Variants in HERC1 observed in about 807,000 individuals in gnomAD.
HERC1 encodes the protein probable E3 ubiquitin-protein ligase HERC1.
A neutral mutation model predicts 554.3 loss-of-function variants in HERC1; 160 were observed. The ratio of observed to expected loss-of-function variants is 0.29; its 90% CI spans 0.25 to 0.33. The LOEUF (loss-of-function observed/expected upper bound fraction) is 0.33, where lower values mean the gene tolerates loss of function less well. Ranked by LOEUF, HERC1 falls within the 10% of genes least tolerant of loss-of-function variation. The probability of loss-of-function intolerance (pLI) is 1.00; values close to 1 mark genes in which losing one functional copy is unlikely to be tolerated. For synonymous variants in HERC1, 2,175 were observed against 2,131.7 expected, an observed-to-expected ratio of 1.02 and a Z score of -0.56; for missense variants, 4,919 against 5,918.5, an observed-to-expected ratio of 0.83 and a Z score of 5.54.
Position 63,706,816 on chromosome 15 carries a change from C to T in HERC1, c.4600G>A (p.Val1534Ile). Residue 1534 changes from valine to isoleucine, a missense_variant, in exon 25 of 78, where the codon GTT becomes ATT. Coordinates refer to ENST00000443617, the MANE Select transcript of HERC1 (RefSeq NM_003922.4). ...EGYALSGRRNVDLDLAASHRK... is the reference protein window; with the variant it reads ...EGYALSGRRNIDLDLAASHRK... Reference sequence around the variant, plus strand: ...TGAGATGCTGCCAAATCCAAATCAACATTTCGTCTGCCACTCTATTAAAAG... The same window carrying T: ...TGAGATGCTGCCAAATCCAAATCAATATTTCGTCTGCCACTCTATTAAAAG... 1.3e-6 allele frequency: 2 copies of T among 1,541,728 alleles called. No individual in the cohort carries two copies. The highest frequency in any genetic ancestry group is 1.2e-5 in the South Asian group (1 of 82,506).
intron 2 of HERC1, among the ~76,000 whole-genome samples, chr15:63,769,991 A>G (rs1354512462): frequency 6.6e-6 from 1 of 152,228 alleles, no homozygotes; most frequent in Non-Finnish European, 1.5e-5. Context: ...GATTAGACGG[A>G]GTACATTTCC....
Position 63,692,540 on chromosome 15 carries a change from C to T in HERC1, c.5701G>A (p.Glu1901Lys), listed in dbSNP as rs776988738. The change falls in exon 31 of 78, where the codon GAA becomes AAA. Residue 1901 changes from glutamate (E) to lysine (K), a missense_variant. By Grantham distance (56) the Glu-to-Lys change is moderately conservative (BLOSUM62 1). Coordinates refer to ENST00000443617, the MANE Select transcript of HERC1 (RefSeq NM_003922.4). This position sits in a 1 kb window ranked among gnomAD's most constrained non-coding sequence, Gnocchi z 4.7. Reference sequence around the variant, plus strand: ...ACTAAAAAATCCCCTAGATGGAGTTCGGCTGCATGTTGTTTCCTAAGAGCA... The same window carrying T: ...ACTAAAAAATCCCCTAGATGGAGTTTGGCTGCATGTTGTTTCCTAAGAGCA... The part of the protein sequence containing the change: ...RAALRKQHAA[E>K]LHLGDFLVFL... The T allele has an allele frequency of 1.6e-5, 26 of 1,609,722 alleles. No individual in the cohort carries two copies. Among genetic ancestry groups the T allele is most frequent in the East Asian group, 2.2e-5 (1 of 44,780 alleles).
At chr15:63,614,962 G>T (rs1053217115) in intron 76 of HERC1, among the ~76,000 whole-genome samples, 1 of 152,224 alleles carries the variant, frequency 6.6e-6, no homozygotes, top group Non-Finnish European at 1.5e-5. Context: ...AAGATCACAG[G>T]TTGGTGACCT....
intron 2 of HERC1, among the ~76,000 whole-genome samples, chr15:63,773,597 G>A (rs2142987631): frequency 6.6e-6 from 1 of 151,338 alleles, no homozygotes; most frequent in East Asian, 1.9e-4. Context: ...GCCCAGGAGT[G>A]TTGTGGCATG....
chr15:63,819,424 T>C (rs1202176217), intron 1 of HERC1, among the ~76,000 whole-genome samples: 1 of 152,256 alleles, frequency 6.6e-6, no homozygotes, highest in African/African-American at 2.4e-5. Context: ...TGTAAGTTGT[T>C]ATTCTCTATT....
At position 63,692,920 on chromosome 15, in the gene HERC1, TC is replaced by T. The variant is rs1301555823; in HGVS notation, c.5675-355del. 6.6e-6 allele frequency among the ~76,000 whole-genome samples: 1 copy of T among 152,044 alleles called. No homozygotes were observed. The highest frequency in any genetic ancestry group is 2.4e-5 in the African/African-American group (1 of 41,398). ...ATCAGGACAGGCGCAATGGCTCACA[TC>T]TGTAATCCCAGCACTTTGGGAGGTC... On this transcript the variant is annotated intron_variant, in intron 30 of 77. Coordinates refer to ENST00000443617, the MANE Select transcript of HERC1 (RefSeq NM_003922.4). The surrounding 1 kb of genome is among the most constrained non-coding windows in gnomAD (Gnocchi z 4.7).
At position 63,658,266 on chromosome 15, in the gene HERC1, T is replaced by C. The variant is rs892067788; in HGVS notation, c.9599+278A>G. ...ACCTTTAGTTTTTGATCCAGCACCA[T>C]TGGGATCAACAGCCTTAGTTTCCCA... is the stretch of plus-strand genomic sequence containing the variant. On this transcript the variant is annotated intron_variant, in intron 48 of 77. Transcript: ENST00000443617. Among the ~76,000 whole-genome samples, 13 of 152,194 alleles carry C rather than the reference T, an allele frequency of 8.5e-5. 1 individual carries two copies. Among genetic ancestry groups the C allele is most frequent in the Admixed American group, 2.6e-4 (4 of 15,282 alleles).
chr15:63,637,446 C>A (rs564759184), intron 64 of HERC1, 59 bp downstream of exon 64: 7 of 1,441,404 alleles, frequency 4.9e-6, no homozygotes, highest in Middle Eastern at 1.7e-4. Context: ...AAGGTTTGTA[C>A]GACCAAACCT....
Position 63,640,337 on chromosome 15 carries a change from G to A in HERC1, c.11716C>T (p.Pro3906Ser). ...LDQLLCNPPV[P>S]PHHQNCLPDP... is the part of the protein sequence containing the mutation. ...GGGAGACAGTTCTGGTGGTGTGGTG[G>A]CACTGGAGGGTTACACAACAGCTGA... The change falls in exon 61 of 78, where the codon CCA (proline) becomes TCA (serine). Residue 3906 changes from proline to serine, a missense_variant. Transcript: ENST00000443617. 6.2e-7 allele frequency: 1 copy of A among 1,613,802 alleles called. No individual in the cohort carries two copies. Among genetic ancestry groups the A allele is most frequent in the Non-Finnish European group, 8.5e-7 (1 of 1,179,740 alleles).
intron 25 of HERC1, among the ~76,000 whole-genome samples, chr15:63,705,156 G>A (rs1224597393): frequency 6.6e-6 from 1 of 151,402 alleles, no homozygotes; most frequent in African/African-American, 2.4e-5. Context: ...ATCATTCTCT[G>A]TATTCTTTTT....
intron 34 of HERC1, among the ~76,000 whole-genome samples, chr15:63,681,282 G>A (rs145225836): frequency 1.3e-5 from 2 of 152,006 alleles, no homozygotes; most frequent in Non-Finnish European, 2.9e-5. Context: ...GCTCACTGAA[G>A]CGTCAAATTC....
intron 40 of HERC1, among the ~76,000 whole-genome samples, chr15:63,668,954 C>T (rs1400507047): frequency 2.6e-5 from 4 of 152,210 alleles, no homozygotes; most frequent in African/African-American, 4.8e-5. Context: ...CACTCAACAA[C>T]AGCACAATAC....
chr15:63,823,618 A>G (rs2077778375), intron 1 of HERC1, among the ~76,000 whole-genome samples: 1 of 152,188 alleles, frequency 6.6e-6, no homozygotes, highest in Admixed American at 6.5e-5. Flanking sequence ...TACTTTCTCA[A>G]TTCTCACAAG....
intron 1 of HERC1, among the ~76,000 whole-genome samples, chr15:63,780,776 T>C (rs116045619): frequency 0.012 from 1,816 of 151,566 alleles, 31 homozygotes; most frequent in African/African-American, 0.042. Flanking sequence ...CGAGCACAGC[T>C]ACTACATCAA....
Position 63,640,163 on chromosome 15 carries a change from C to T in HERC1, c.11890G>A (p.Val3964Ile). 2.5e-6 allele frequency: 4 copies of T among 1,613,500 alleles called. No homozygotes were observed. The highest frequency in any genetic ancestry group is 3.4e-6 in the Non-Finnish European group (4 of 1,179,606). The change falls in exon 61 of 78, where the codon GTA (valine) becomes ATA (isoleucine). Residue 3964 changes from valine (V) to isoleucine (I), a missense_variant. Physicochemically the swap from Val to Ile is conservative, Grantham distance 29. Transcript: ENST00000443617. ...CACAGTACATTTACCATTAGAAATA[C>T]AAGTTCATCCTCTGGAACAGGTTCT... is the stretch of plus-strand genomic sequence containing the variant. ...DLEPVPEDEL[V>I]FLMDNSKWIN...
rs1372196805 is a variant in HERC1 at position 63,746,907 on chromosome 15, T to C, written c.2520+11A>G. 3 of 1,550,876 alleles carry C rather than the reference T, an allele frequency of 1.9e-6. No homozygotes were observed. Among genetic ancestry groups the C allele is most frequent in the African/African-American group, 2.7e-5 (2 of 73,032 alleles). ...GTTTGAGATACAGATTCACAAGTCC[T>C]ATTCTCTTACCTCTTGGATTTCATC... On this transcript the variant is annotated intron_variant, in intron 12 of 77. Transcript: ENST00000443617.
chr15:63,774,753 C>G lies in HERC1; in HGVS notation c.871G>C (p.Glu291Gln), dbSNP rs1223820919. Reference protein sequence around the residue: ...MEKGKLLSSQEGMISFDCFMT... With the variant: ...MEKGKLLSSQQGMISFDCFMT... ...AAGCAGTCAAAGCTGATCATTCCTT[C>G]CTGGCTTGAGAGTAGTTTGCCTTTC... is the stretch of plus-strand genomic sequence containing the variant. Residue 291 changes from glutamate (E) to glutamine (Q), a missense_variant, in exon 2 of 78, where the codon GAA (glutamate) becomes CAA (glutamine). By Grantham distance (29) the Glu-to-Gln change is conservative. Around this residue, in one of 11 missense-constraint regions of HERC1, gnomAD observed 744 missense variants for 1,090.0 expected, o/e 0.68. Transcript: ENST00000443617. 1.9e-6 allele frequency: 3 copies of G among 1,613,900 alleles called. No homozygotes were observed. Among genetic ancestry groups the G allele is most frequent in the Admixed American group, 3.3e-5 (2 of 59,998 alleles).
rs1326088481 is a variant in HERC1 at position 63,643,509 on chromosome 15, C to A, written c.11226G>T (p.Gln3742His). ...GAACAGGAGTGATGTGTCCCCGCAGCTGATAAACACACTTGGCTCCTGATG... is the reference window on the plus strand; with the variant it reads ...GAACAGGAGTGATGTGTCCCCGCAGATGATAAACACACTTGGCTCCTGATG... ...RKSSGAKCVY[Q>H]LRGHITPVRT... Residue 3742 changes from glutamine to histidine, a missense_variant, in exon 58 of 78, where the codon CAG becomes CAT. By Grantham distance (24) the Gln-to-His change is conservative. Transcript: ENST00000443617. 1.9e-6 allele frequency: 3 copies of A among 1,609,006 alleles called. No individual in the cohort carries two copies. Among genetic ancestry groups the A allele is most frequent in the Non-Finnish European group, 2.5e-6 (3 of 1,177,176 alleles).
Position 63,632,804 on chromosome 15 carries a change from T to C in HERC1, c.12701A>G (p.Asp4234Gly), listed in dbSNP as rs1379844611. 8.3e-6 allele frequency: 13 copies of C among 1,557,890 alleles called. No homozygotes were observed. Among genetic ancestry groups the C allele is most frequent in the Non-Finnish European group, 1.1e-5 (13 of 1,148,810 alleles). ...TTTTATTCCAATTCCACAAAGGACG[T>C]CAATTTTCTACAAAATAAAAGTGTA... ...STAKSSPQKI[D>G]VLCGIGIKKV... is the part of the protein sequence containing the mutation. Residue 4234 changes from aspartate (D) to glycine (G), a missense_variant, in exon 68 of 78, where the codon GAC (aspartate) becomes GGC (glycine). This residue lies in a region of HERC1 where 410 missense variants were observed against 467.0 expected (regional missense o/e 0.88). Transcript: ENST00000443617.
Sources: allele counts gnomAD v4.1 joint callset (sites outside exome capture counted in the v4.1 genomes callset), GRCh38; gene constraint gnomAD v4.1.1; regional missense constraint gnomAD v4.1.1; non-coding constraint Gnocchi (gnomAD v3.1); transcripts MANE v1.5; gene names NCBI Gene and HGNC (gene_info 2026-07-23, HGNC 2026-07-21).